MCCC1: variants seen among roughly 807,000 people sequenced by gnomAD.
MCCC1 encodes methylcrotonyl-CoA carboxylase subunit 1.
Under a neutral mutation model 83.8 loss-of-function variants are expected in MCCC1, and 64 were observed. The observed-to-expected ratio is 0.76, with a 90% confidence interval of 0.62 to 0.94. The LOEUF (loss-of-function observed/expected upper bound fraction) is 0.94, where lower values mean the gene tolerates loss of function less well. Ranked by LOEUF, MCCC1 falls within the 40% of genes least tolerant of loss-of-function variation. The pLI is 0.00. For missense variants in MCCC1, 807 were observed against 904.7 expected (o/e 0.89, Z 1.39); for synonymous variants, 322 against 315.4 (o/e 1.02, Z -0.22).
intron 7 of MCCC1, among the ~76,000 whole-genome samples, chr3:183,059,367 A>G (rs1479198579): frequency 6.6e-6 from 1 of 151,564 alleles, no homozygotes; most frequent in Non-Finnish European, 1.5e-5. Flanking sequence ...TCCCATTTTG[A>G]ATTTTCCAAC....
At chr3:183,070,959 A>C (rs1716624242) in intron 7 of MCCC1, 40 bp downstream of exon 7, 1 of 1,579,856 alleles carries the variant, frequency 6.3e-7, no homozygotes, top group Non-Finnish European at 8.6e-7. Context: ...TTTATAATTT[A>C]ATTTTTAAAC....
upstream of MCCC1, among the ~76,000 whole-genome samples, chr3:183,104,198 T>C (rs529172094): frequency 4.6e-5 from 7 of 152,294 alleles, no homozygotes; most frequent in South Asian, 1.4e-3. Context: ...GCTCCCACAG[T>C]GCAGCGGTGG....
rs774187137 is a variant in MCCC1 at position 183,099,339 on chromosome 3, C to G, written c.89+13G>C. The G allele has an allele frequency of 1.3e-5, 21 of 1,587,864 alleles. No homozygotes were observed. Among genetic ancestry groups the G allele is most frequent in the Non-Finnish European group, 6.0e-6 (7 of 1,169,850 alleles). ...CCCGCCTCTGCCCACTGAGCCATGGCCCCTCCACCCACCTCGGCGGCAGGA... is the reference window on the plus strand; with the variant it reads ...CCCGCCTCTGCCCACTGAGCCATGGGCCCTCCACCCACCTCGGCGGCAGGA... On this transcript the variant is annotated intron_variant, in intron 1 of 18. Transcript: ENST00000265594.
At chr3:183,110,386 A>C (rs1719472837) in intron 1 of MCCC1, among the ~76,000 whole-genome samples, 1 of 143,006 alleles carries the variant, frequency 7.0e-6, no homozygotes, top group Admixed American at 7.0e-5. Flanking sequence ...AGATCCCTTT[A>C]GTCACAATTT....
intron 1 of MCCC1, among the ~76,000 whole-genome samples, chr3:183,107,486 T>G (rs1175305151): frequency 6.6e-6 from 1 of 151,774 alleles, no homozygotes; most frequent in Non-Finnish European, 1.5e-5. Context: ...TCACTTAATT[T>G]GTATTGATTC....
intron 14 of MCCC1, among the ~76,000 whole-genome samples, chr3:183,028,453 A>G (rs1358837688): frequency 6.6e-6 from 1 of 152,216 alleles, no homozygotes; most frequent in Non-Finnish European, 1.5e-5. Flanking sequence ...TTCAAGTCTT[A>G]TTAAGAAATA....
intron 2 of MCCC1, 151 bp from the exon 3 acceptor site, chr3:183,092,696 TTAAC>T (rs564431431): frequency 2.7e-4 from 220 of 828,340 alleles, no homozygotes; most frequent in East Asian, 2.4e-3. Context: ...AATGACCACT[TTAAC>T]TAATATTAGA....
upstream of MCCC1, among the ~76,000 whole-genome samples, chr3:183,103,163 T>A (rs114785296): frequency 0.032 from 4,777 of 151,618 alleles, 261 homozygotes; most frequent in African/African-American, 0.11. Context: ...CAGGCAGGAG[T>A]GAAGCTGCAG....
In MCCC1 at chr3:183,113,512, T is replaced by C. The variant is rs1719536203; in HGVS notation, c.-102+1962A>G. 4.0e-5 allele frequency among the ~76,000 whole-genome samples: 6 copies of C among 151,498 alleles called. No individual in the cohort carries two copies. The South Asian group carries it at 1.2e-3, about 31-fold the overall frequency. ...CACACCAACATGGCACATGTATACA[T>C]ATGTAACAAACCTGCACATTGTGCA... On this transcript the variant is annotated intron_variant, in intron 1 of 17. Coordinates refer to the MCCC1 transcript ENST00000492597.
chr3:183,051,243 T>C (rs1181767228), intron 9 of MCCC1, among the ~76,000 whole-genome samples: 2 of 152,182 alleles, frequency 1.3e-5, no homozygotes, highest in African/African-American at 4.8e-5. Flanking sequence ...AGCAGCTTTA[T>C]TCATAATTGC....
At chr3:183,071,486 C>A in intron 5 of MCCC1, 129 bp from the exon 6 acceptor site, 3 of 1,279,420 alleles carry the variant, frequency 2.3e-6, no homozygotes, top group Non-Finnish European at 3.3e-6. Context: ...TCTGAGACGA[C>A]AAAATAATAC....
At chr3:183,056,781 C>T (rs2108504730) in intron 8 of MCCC1, among the ~76,000 whole-genome samples, 1 of 152,298 alleles carries the variant, frequency 6.6e-6, no homozygotes, top group African/African-American at 2.4e-5. Context: ...GCAACCTCCG[C>T]CTCCCAGGTT....
chr3:183,048,048 T>C (rs200377743), intron 9 of MCCC1, among the ~76,000 whole-genome samples: 2 of 152,210 alleles, frequency 1.3e-5, no homozygotes, highest in East Asian at 3.8e-4. Flanking sequence ...ACAATGTCAC[T>C]GGATAGGAAT....
intron 7 of MCCC1, among the ~76,000 whole-genome samples, chr3:183,060,189 C>A (rs956568234): frequency 6.6e-6 from 1 of 151,986 alleles, no homozygotes; most frequent in Non-Finnish European, 1.5e-5. Flanking sequence ...CTTGCATTTC[C>A]GTTTGGGAAA....
In MCCC1 at chr3:183,064,463, A is replaced by G. The variant is rs1716091159; in HGVS notation, c.761+6536T>C. The stretch of plus-strand genomic sequence containing the variant: ...TCCAGGAGACGCTTGGTGGGCACCC[A>G]GGAAGCTCCGTAAAGGCTTCTGGGA... On this transcript the variant is annotated intron_variant, in intron 7 of 18. Transcript: ENST00000265594. This position sits in a 1 kb window ranked among gnomAD's most constrained non-coding sequence, Gnocchi z 4.5. 6.6e-6 allele frequency among the ~76,000 whole-genome samples: 1 copy of G among 152,174 alleles called. No individual in the cohort carries two copies. The highest frequency in any genetic ancestry group is 6.5e-5 in the Admixed American group (1 of 15,292).
At chr3:183,051,379 G>A (rs1401211623) in intron 9 of MCCC1, among the ~76,000 whole-genome samples, 2 of 152,084 alleles carry the variant, frequency 1.3e-5, no homozygotes, top group Non-Finnish European at 2.9e-5. Flanking sequence ...AAAAGACATG[G>A]AGGAAACTTA....
At chr3:183,016,436 G>A (rs1338603625) in intron 18 of MCCC1, among the ~76,000 whole-genome samples, 1 of 151,650 alleles carries the variant, frequency 6.6e-6, no homozygotes, top group Non-Finnish European at 1.5e-5. Context: ...TCACCATGTT[G>A]GCCAAGCTGG....
intron 15 of MCCC1, among the ~76,000 whole-genome samples, chr3:183,024,995 A>G (rs1352204816): frequency 1.3e-5 from 2 of 152,076 alleles, no homozygotes; most frequent in Admixed American, 6.6e-5. Flanking sequence ...CACATATGCT[A>G]CACCATGGAA....
intron 7 of MCCC1, among the ~76,000 whole-genome samples, chr3:183,058,333 G>A (rs944706111): frequency 2.6e-5 from 4 of 152,064 alleles, no homozygotes; most frequent in East Asian, 3.9e-4. Flanking sequence ...CCCAAAAAAG[G>A]GCCGGGCACA....
Sources: gnomAD v4.1 joint callset for allele counts (sites outside exome capture counted in the v4.1 genomes callset) on GRCh38, gnomAD v4.1.1 for gene constraint, Gnocchi (gnomAD v3.1) non-coding constraint, MANE v1.5 for transcripts, NCBI Gene and HGNC (gene_info 2026-07-23, HGNC 2026-07-21) for gene names.